Variants in RYR2 observed in about 807,000 individuals in gnomAD.
RYR2 encodes the protein cardiac muscle ryanodine receptor-calcium release channel.
Under a neutral mutation model 601.1 loss-of-function variants are expected in RYR2, and 227 were observed. The ratio of observed to expected loss-of-function variants is 0.38; its 90% CI spans 0.34 to 0.42. The LOEUF is 0.42. Among genes scored for constraint, RYR2 ranks in the 10% least tolerant of loss-of-function variants. The pLI is 1.00. For synonymous variants in RYR2, 2,223 were observed against 2,175.1 expected (o/e 1.02, Z -0.61); for missense variants, 4,646 against 6,156.5 (o/e 0.75, Z 8.21).
chr1:237,117,311 C>A (rs1212242966), intron 1 of RYR2, among the ~76,000 whole-genome samples: 1 of 152,040 alleles, frequency 6.6e-6, no homozygotes. Context: ...CACGAAAGAC[C>A]TTCTCCATTA....
At chr1:237,073,646 G>A (rs867541004) in intron 1 of RYR2, among the ~76,000 whole-genome samples, 4 of 152,194 alleles carry the variant, frequency 2.6e-5, no homozygotes, top group South Asian at 2.1e-4. Context: ...TGAAGTGGGC[G>A]GACACCTGAG....
At chr1:237,047,486 C>T (rs1439774807) in intron 1 of RYR2, among the ~76,000 whole-genome samples, 2 of 151,534 alleles carry the variant, frequency 1.3e-5, no homozygotes, top group African/African-American at 4.9e-5. Flanking sequence ...GTCTTTGACC[C>T]GGATACCTTA....
At chr1:237,202,506 C>T (rs76687451) in intron 1 of RYR2, among the ~76,000 whole-genome samples, 3 of 152,126 alleles carry the variant, frequency 2.0e-5, no homozygotes, top group Admixed American at 2.0e-4. Flanking sequence ...CTCCTGGCTT[C>T]AATTGAGTCT....
chr1:237,513,879 C>T (rs1666160633), intron 24 of RYR2, among the ~76,000 whole-genome samples: 1 of 152,168 alleles, frequency 6.6e-6, no homozygotes, highest in South Asian at 2.1e-4. Flanking sequence ...ATGTATAACT[C>T]TATATCCTCA....
chr1:237,088,808 A>G (rs920720984), intron 1 of RYR2, among the ~76,000 whole-genome samples: 3 of 152,238 alleles, frequency 2.0e-5, no homozygotes, highest in Admixed American at 6.5e-5. Flanking sequence ...TTAAGTTGTC[A>G]TGTGAAGGAT....
chr1:237,505,474 TTGTTCCCCCTTTTTATATCA>T (rs1665124054), intron 22 of RYR2, among the ~76,000 whole-genome samples: 1 of 152,256 alleles, frequency 6.6e-6, no homozygotes, highest in Non-Finnish European at 1.5e-5. Flanking sequence ...ATCGTATTTC[TTGTTCCCCCTTTTTATATCA>T]TGTTGTTAAA....
chr1:237,686,032 T>C (rs1309951858), intron 62 of RYR2, among the ~76,000 whole-genome samples: 2 of 152,318 alleles, frequency 1.3e-5, no homozygotes, highest in African/African-American at 4.8e-5. Context: ...AACGTTACCT[T>C]CTCTGCTTCC....
At chr1:237,423,378 G>T (rs774874997) in intron 12 of RYR2, 130 bp downstream of exon 12, 33 of 1,128,424 alleles carry the variant, frequency 2.9e-5, no homozygotes, top group Non-Finnish European at 3.9e-5. Context: ...TAAATTCCCA[G>T]TTTCTCTTCC....
Position 237,617,282 on chromosome 1 carries a change from T to G in RYR2, c.5716-4T>G. On this transcript the variant is annotated splice_polypyrimidine_tract_variant and splice_region_variant and intron_variant, in intron 37 of 104. Coordinates refer to ENST00000366574, the MANE Select transcript of RYR2 (RefSeq NM_001035.3). ...AATTTGGTGTCTTTTTAATGGTCTC[T>G]TAGATGTGCCTACTGCTTCAGTACC... 1 of 1,608,978 alleles carries G rather than the reference T, an allele frequency of 6.2e-7. No individual in the cohort carries two copies. Among genetic ancestry groups the G allele is most frequent in the Non-Finnish European group, 8.5e-7 (1 of 1,177,382 alleles).
At chr1:237,669,163 A>G (rs3856243) in intron 58 of RYR2, among the ~76,000 whole-genome samples, 4,278 of 110,290 alleles carry the variant, frequency 0.039, 250 homozygotes, top group Middle Eastern at 0.099. Context: ...AGTGGACACA[A>G]TACATGTTTC....
chr1:237,650,123 G>C, intron 50 of RYR2, 26 bp downstream of exon 50: 1 of 1,584,068 alleles, frequency 6.3e-7, no homozygotes, highest in South Asian at 1.1e-5. Context: ...ATTCTATTCC[G>C]GCTTCTTCTT....
At chr1:237,175,959 C>T (rs761267428) in intron 1 of RYR2, among the ~76,000 whole-genome samples, 8 of 152,034 alleles carry the variant, frequency 5.3e-5, no homozygotes, top group Non-Finnish European at 1.0e-4. Context: ...GGGCCAGGCG[C>T]GGTGGCTCAT....
At chr1:237,518,809 A>G (rs964582753) in intron 24 of RYR2, among the ~76,000 whole-genome samples, 3 of 152,070 alleles carry the variant, frequency 2.0e-5, no homozygotes, top group African/African-American at 7.2e-5. Context: ...TGGTAGTTTT[A>G]TTTTTAGTTC....
chr1:237,310,328 C>T (rs1392482510), intron 2 of RYR2, among the ~76,000 whole-genome samples: 1 of 152,144 alleles, frequency 6.6e-6, no homozygotes, highest in Non-Finnish European at 1.5e-5. Flanking sequence ...AAACTTGGGT[C>T]CCCAATTCAC....
In RYR2 at chr1:237,730,456, A is replaced by G. The variant is rs114096380; in HGVS notation, c.10935+100A>G. On this transcript the variant is annotated intron_variant, in intron 77 of 104. Transcript: ENST00000366574. ...ATATAACATTGAAGGAAAAAATATC[A>G]TTACAGTATATGGGTATTAGGAAAC... is the stretch of plus-strand genomic sequence containing the variant. 1.9e-3 allele frequency: 1,188 copies of G among 632,454 alleles called. 12 individuals are homozygous for G. The African/African-American group carries it at 0.019, about 10-fold the overall frequency. 39.2% of individuals were successfully genotyped at this position (632,454 alleles called of 1,614,324 possible).
chr1:237,621,183 G>A (rs1679038016), intron 38 of RYR2, among the ~76,000 whole-genome samples: 1 of 152,074 alleles, frequency 6.6e-6, no homozygotes, highest in Non-Finnish European at 1.5e-5. Flanking sequence ...GAGGAAGTAT[G>A]GGGAGAAATT....
intron 2 of RYR2, among the ~76,000 whole-genome samples, chr1:237,297,960 A>G (rs1429922525): frequency 8.0e-6 from 1 of 125,238 alleles, no homozygotes; most frequent in African/African-American, 3.1e-5. Context: ...TGGTTTTGCC[A>G]TGTTGCCTAG....
intron 8 of RYR2, among the ~76,000 whole-genome samples, chr1:237,386,212 A>T (rs1455479290): frequency 6.6e-6 from 1 of 152,170 alleles, no homozygotes; most frequent in Admixed American, 6.5e-5. Context: ...ACTGATAAAC[A>T]CTGTGTACAT....
At chr1:237,477,156 G>GC (rs1300794007) in intron 17 of RYR2, among the ~76,000 whole-genome samples, 2 of 152,156 alleles carry the variant, frequency 1.3e-5, no homozygotes, top group African/African-American at 4.8e-5. Context: ...ACTTTGGGAG[G>GC]CCGAGGCAGG....
Sources: gnomAD v4.1 joint callset for allele counts (sites outside exome capture counted in the v4.1 genomes callset) on GRCh38, gnomAD v4.1.1 for gene constraint, MANE v1.5 for transcripts, NCBI Gene and HGNC (gene_info 2026-07-23, HGNC 2026-07-21) for gene names.